Variants in ASCC3 observed in about 807,000 individuals in gnomAD.
ASCC3 encodes the protein activating signal cointegrator 1 complex subunit 3.
Under a neutral mutation model 256.3 loss-of-function variants are expected in ASCC3, and 158 were observed. That is an observed-to-expected ratio of 0.62 (90% CI 0.54 to 0.70). The LOEUF is 0.70. Ranked by LOEUF, ASCC3 falls within the 30% of genes least tolerant of loss-of-function variation. The pLI is 0.00. For synonymous variants in ASCC3, 948 were observed against 883.4 expected (o/e 1.07, Z -1.30); for missense variants, 2,259 against 2,626.0 (o/e 0.86, Z 3.05).
intron 11 of ASCC3, among the ~76,000 whole-genome samples, chr6:100,723,595 A>G (rs898836386): frequency 6.6e-6 from 1 of 151,386 alleles, no homozygotes; most frequent in Non-Finnish European, 1.5e-5. Flanking sequence ...CCACACTTGA[A>G]TCTGAATCAG....
intron 21 of ASCC3, 140 bp from the exon 22 acceptor site, chr6:100,646,909 C>A: frequency 1.1e-6 from 1 of 930,980 alleles, no homozygotes; most frequent in East Asian, 2.6e-5. Context: ...ACATTCTTGA[C>A]CTGGCATGTT....
At chr6:100,767,945 TA>T (rs1285251109) in intron 8 of ASCC3, among the ~76,000 whole-genome samples, 1 of 152,122 alleles carries the variant, frequency 6.6e-6, no homozygotes, top group African/African-American at 2.4e-5. Flanking sequence ...AAATAGATGG[TA>T]AATTAGTAAT....
rs1771879258 is a variant in ASCC3 at position 100,589,528 on chromosome 6, G to A, written c.5550+106C>T. 9.5e-6 allele frequency: 13 copies of A among 1,364,182 alleles called. 1 individual carries two copies. In the East Asian group the frequency reaches 3.1e-4, roughly 33 times the overall value. The allele number at this position is 1,364,182 out of a possible 1,614,324, so 84.5% of individuals were successfully genotyped here. A position where few individuals can be genotyped will look rare whatever the true frequency, so the allele number is the denominator to read the frequency against. ...CTTTGTAGTGACCTTGTTTGACAGAGGAAAGGGCTTTACAAATGGTTTCTG... is the reference window on the plus strand; with the variant it reads ...CTTTGTAGTGACCTTGTTTGACAGAAGAAAGGGCTTTACAAATGGTTTCTG... On this transcript the variant is annotated intron_variant, in intron 36 of 41. Transcript: ENST00000369162.
intron 14 of ASCC3, among the ~76,000 whole-genome samples, 170 bp from the exon 15 acceptor site, chr6:100,662,706 T>C (rs1400024953): frequency 6.6e-6 from 1 of 152,006 alleles, no homozygotes. Context: ...AAAATAATGT[T>C]ACCTATCTTA....
At chr6:100,701,811 G>T (rs1406997059) in intron 13 of ASCC3, among the ~76,000 whole-genome samples, 1 of 152,102 alleles carries the variant, frequency 6.6e-6, no homozygotes, top group Non-Finnish European at 1.5e-5. Context: ...TGAAGAATTT[G>T]GTAGAGTACA....
At chr6:100,544,670 G>C (rs1205000748) in intron 36 of ASCC3, among the ~76,000 whole-genome samples, 2 of 152,022 alleles carry the variant, frequency 1.3e-5, no homozygotes, top group Non-Finnish European at 2.9e-5. Flanking sequence ...TCAATTTGTA[G>C]TAAAAAATCT....
chr6:100,727,031 G>A (rs1779660493), intron 10 of ASCC3, among the ~76,000 whole-genome samples: 1 of 151,898 alleles, frequency 6.6e-6, no homozygotes, highest in African/African-American at 2.4e-5. Context: ...AAAACCAAAG[G>A]ACCTAAGACT....
intron 8 of ASCC3, among the ~76,000 whole-genome samples, chr6:100,781,464 C>T (rs1203554699): frequency 1.3e-5 from 2 of 151,756 alleles, no homozygotes; most frequent in African/African-American, 4.8e-5. Context: ...GCTCACTGCG[C>T]CCTCCGCCTC....
At chr6:100,803,380 A>G (rs190026231) in intron 5 of ASCC3, among the ~76,000 whole-genome samples, 3 of 152,202 alleles carry the variant, frequency 2.0e-5, no homozygotes, top group Admixed American at 2.0e-4. Flanking sequence ...TGATAGTTTT[A>G]TAAGTGTTTG....
chr6:100,751,164 G>A (rs1023220289), intron 10 of ASCC3, among the ~76,000 whole-genome samples: 2 of 151,972 alleles, frequency 1.3e-5, no homozygotes, highest in African/African-American at 4.8e-5. Context: ...AAGGTAGTTA[G>A]ACTCAATCAC....
Position 100,867,678 on chromosome 6 carries a change from G to A in ASCC3, c.90+230C>T, listed in dbSNP as rs369966818. On this transcript the variant is annotated intron_variant, in intron 2 of 41. Transcript: ENST00000369162. Reference sequence around the variant, plus strand: ...GCTGAACAAAAAAAAAATTAACAAAGGATTCAATTATCATAGTTCTGATTA... The same window carrying A: ...GCTGAACAAAAAAAAAATTAACAAAAGATTCAATTATCATAGTTCTGATTA... Among the ~76,000 whole-genome samples the A allele has an allele frequency of 2.2e-3, 342 of 152,092 alleles. 1 individual carries two copies. Among genetic ancestry groups the A allele is most frequent in the Non-Finnish European group, 4.3e-3 (289 of 67,978 alleles).
At chr6:100,776,666 T>C (rs1782206088) in intron 8 of ASCC3, among the ~76,000 whole-genome samples, 1 of 152,008 alleles carries the variant, frequency 6.6e-6, no homozygotes, top group Admixed American at 6.6e-5. Flanking sequence ...AAAAGTAAAC[T>C]GGATGATAGT....
At chr6:100,628,589 GCT>G (rs1236919377) in intron 27 of ASCC3, among the ~76,000 whole-genome samples, 1 of 151,992 alleles carries the variant, frequency 6.6e-6, no homozygotes, top group Non-Finnish European at 1.5e-5. Context: ...CCACCACCTT[GCT>G]CTCTTGTTCC....
intron 4 of ASCC3, among the ~76,000 whole-genome samples, chr6:100,816,647 C>A (rs2114405259): frequency 6.6e-6 from 1 of 152,232 alleles, no homozygotes; most frequent in Non-Finnish European, 1.5e-5. Flanking sequence ...CAAACTAGCA[C>A]ACCAACAGAA....
At chr6:100,756,820 A>G (rs1781201277) in intron 10 of ASCC3, among the ~76,000 whole-genome samples, 1 of 152,168 alleles carries the variant, frequency 6.6e-6, no homozygotes, top group East Asian at 1.9e-4. Flanking sequence ...AAGTGTTCTT[A>G]TACTCCAACA....
At chr6:100,797,912 CAT>C (rs1279387706) in intron 8 of ASCC3, among the ~76,000 whole-genome samples, 3 of 152,070 alleles carry the variant, frequency 2.0e-5, no homozygotes, top group African/African-American at 4.8e-5. Flanking sequence ...CAGAAAGACA[CAT>C]GTAACTATAT....
chr6:100,601,732 T>A, intron 34 of ASCC3, 78 bp downstream of exon 34: 1 of 1,549,624 alleles, frequency 6.5e-7, no homozygotes, highest in East Asian at 2.3e-5. Flanking sequence ...GTATGTACCT[T>A]AATTTGGAGT....
intron 29 of ASCC3, 66 bp from the exon 30 acceptor site, chr6:100,625,400 A>G (rs932149229): frequency 6.5e-7 from 1 of 1,548,972 alleles, no homozygotes; most frequent in Non-Finnish European, 8.9e-7. Flanking sequence ...TTTCATTAGG[A>G]TATCAAATGG....
intron 6 of ASCC3, among the ~76,000 whole-genome samples, chr6:100,799,962 A>T (rs1298157260): frequency 6.6e-6 from 1 of 152,064 alleles, no homozygotes; most frequent in East Asian, 1.9e-4. Context: ...AATTTTTAAA[A>T]GGTACATTGA....
Sources: allele counts gnomAD v4.1 joint callset (sites outside exome capture counted in the v4.1 genomes callset), GRCh38; gene constraint gnomAD v4.1.1; transcripts MANE v1.5; gene names NCBI Gene and HGNC (gene_info 2026-07-23, HGNC 2026-07-21).